The following NFIB variants were observed in gnomAD, a reference collection of about 807,000 sequenced individuals.
The protein encoded by NFIB is nuclear factor I B.
Under a neutral mutation model 61.5 loss-of-function variants are expected in NFIB, and 11 were observed. The ratio of observed to expected loss-of-function variants is 0.18; its 90% CI spans 0.11 to 0.30. The LOEUF (loss-of-function observed/expected upper bound fraction) is 0.30. NFIB is among the 10% of genes least tolerant of loss of function. NFIB has a pLI of 1.00. For missense variants in NFIB, 471 were observed against 608.9 expected (o/e 0.77, Z 2.38); for synonymous variants, 260 against 216.5 (o/e 1.20, Z -1.76).
At chr9:14,181,697 C>T (rs187290110) in intron 2 of NFIB, among the ~76,000 whole-genome samples, 51 of 152,284 alleles carry the variant, frequency 3.3e-4, no homozygotes, top group African/African-American at 1.0e-3. Context: ...ATTTCTCAAG[C>T]GATTCTAACA....
At chr9:14,128,921 T>C (rs548593995) in intron 6 of NFIB, among the ~76,000 whole-genome samples, 1 of 152,314 alleles carries the variant, frequency 6.6e-6, no homozygotes, top group Non-Finnish European at 1.5e-5. Flanking sequence ...TAATTTTTAA[T>C]GTAAATTATA....
intron 7 of NFIB, 130 bp downstream of exon 7, chr9:14,125,502 T>C: frequency 7.9e-7 from 1 of 1,259,574 alleles, no homozygotes. Flanking sequence ...GATCGGATTG[T>C]GCCCCTCACC....
At chr9:14,373,721 C>T (rs1313562798) in intron 1 of NFIB, among the ~76,000 whole-genome samples, 2 of 151,524 alleles carry the variant, frequency 1.3e-5, no homozygotes, top group African/African-American at 2.4e-5. Context: ...TGAAAAGGAA[C>T]ACCTGAAGTT....
chr9:14,423,729 A>G, the NFIB span, among the ~76,000 whole-genome samples: 2 of 152,242 alleles, frequency 1.3e-5, no homozygotes, highest in Non-Finnish European at 2.9e-5. Flanking sequence ...TAGTTTGGCC[A>G]GAACTTTCCT....
intron 1 of NFIB, among the ~76,000 whole-genome samples, chr9:14,356,036 C>T (rs568252114): frequency 6.6e-6 from 1 of 151,576 alleles, no homozygotes; most frequent in Non-Finnish European, 1.5e-5. Flanking sequence ...TGCATTTTTG[C>T]ATTGCACTGG....
At chr9:14,233,421 CTTT>C (rs766595252) in intron 2 of NFIB, among the ~76,000 whole-genome samples, 19 of 109,122 alleles carry the variant, frequency 1.7e-4, no homozygotes, top group South Asian at 6.0e-4. Context: ...TGCTATTATT[CTTT>C]TTTTTTTTTT....
chr9:14,509,692 A>G, the NFIB span, among the ~76,000 whole-genome samples: 2 of 152,292 alleles, frequency 1.3e-5, no homozygotes, highest in Non-Finnish European at 2.9e-5. Flanking sequence ...GGGAATGATG[A>G]AACAACCATC....
At chr9:14,196,478 C>A (rs1037660955) in intron 2 of NFIB, among the ~76,000 whole-genome samples, 2 of 152,018 alleles carry the variant, frequency 1.3e-5, no homozygotes, top group Non-Finnish European at 2.9e-5. Flanking sequence ...TGCTGCCACC[C>A]CCTACTCTCC....
chr9:14,240,575 T>C (rs1041412756), intron 2 of NFIB, among the ~76,000 whole-genome samples: 2 of 152,160 alleles, frequency 1.3e-5, no homozygotes, highest in Non-Finnish European at 2.9e-5. Context: ...GTACAAAAAG[T>C]ATGCGACACA....
At chr9:14,089,039 G>A (rs1326532147) in intron 10 of NFIB, among the ~76,000 whole-genome samples, 1 of 152,040 alleles carries the variant, frequency 6.6e-6, no homozygotes, top group Non-Finnish European at 1.5e-5. Context: ...ACATTTACAG[G>A]AGGCCACAAA....
the NFIB span, among the ~76,000 whole-genome samples, chr9:14,438,009 C>G: frequency 2.7e-5 from 2 of 74,676 alleles, no homozygotes; most frequent in Non-Finnish European, 5.6e-5. Flanking sequence ...CACCCCCATC[C>G]TAGTGTGTGT....
the NFIB span, among the ~76,000 whole-genome samples, chr9:14,464,530 G>C: frequency 6.6e-6 from 1 of 152,172 alleles, no homozygotes; most frequent in Non-Finnish European, 1.5e-5. Context: ...AAAAGGGAGG[G>C]TGTTTCTCAT....
chr9:14,411,832 G>A, the NFIB span, among the ~76,000 whole-genome samples: 117 of 152,254 alleles, frequency 7.7e-4, no homozygotes, highest in Middle Eastern at 6.8e-3. Context: ...AGTCACTTCT[G>A]AGACTAGGTA....
At chr9:14,431,442 T>C in the NFIB span, among the ~76,000 whole-genome samples, 1 of 152,220 alleles carries the variant, frequency 6.6e-6, no homozygotes. Flanking sequence ...CAATGGAGGC[T>C]GGATGGTGGG....
chr9:14,281,372 T>C (rs1168486828), intron 2 of NFIB, among the ~76,000 whole-genome samples: 2 of 152,174 alleles, frequency 1.3e-5, no homozygotes, highest in East Asian at 3.9e-4. Flanking sequence ...AGTAGAAAAA[T>C]AGAGTGGAGA....
At chr9:14,470,033 T>A in the NFIB span, among the ~76,000 whole-genome samples, 4 of 152,234 alleles carry the variant, frequency 2.6e-5, no homozygotes, top group East Asian at 7.7e-4. Flanking sequence ...TGGCAGGTAC[T>A]AAAGCAGTGA....
the NFIB span, among the ~76,000 whole-genome samples, chr9:14,512,933 G>A: frequency 2.0e-3 from 260 of 128,440 alleles, no homozygotes; most frequent in East Asian, 2.5e-3. Context: ...CAAAGCTTTT[G>A]AAAAAAAAAA....
Position 14,274,064 on chromosome 9 carries a change from T to C in NFIB, c.562+32925A>G, listed in dbSNP as rs571123967. ...AGAGCCACGATACTGCAAGCCTAAC[T>C]TGAAGTGTAAATGGTGAATGCTTCT... On this transcript the variant is annotated intron_variant, in intron 2 of 10. Coordinates refer to ENST00000380953, the MANE Select transcript of NFIB (RefSeq NM_001190737.2). 7.1e-4 allele frequency among the ~76,000 whole-genome samples: 108 copies of C among 152,288 alleles called. No homozygotes were observed. The South Asian group carries it at 0.022, about 31-fold the overall frequency.
intron 6 of NFIB, among the ~76,000 whole-genome samples, chr9:14,137,123 T>C (rs2041142289): frequency 6.6e-6 from 1 of 152,220 alleles, no homozygotes; most frequent in Non-Finnish European, 1.5e-5. Context: ...CACAGGATAA[T>C]GGTCTCCCAT....
Sources: allele counts gnomAD v4.1 joint callset (sites outside exome capture counted in the v4.1 genomes callset), GRCh38; gene constraint gnomAD v4.1.1; transcripts MANE v1.5; gene names NCBI Gene and HGNC (gene_info 2026-07-23, HGNC 2026-07-21).